The following PSMF1 variants were observed in gnomAD, a reference collection of about 807,000 sequenced individuals.
PSMF1 encodes the protein proteasome inhibitor subunit 1.
A neutral mutation model predicts 29.3 loss-of-function variants in PSMF1; 30 were observed. The observed-to-expected ratio is 1.02, with a 90% CI of 0.77 to 1.39. PSMF1 has a LOEUF of 1.39. Among genes scored for constraint, PSMF1 ranks in the 40% most tolerant of loss-of-function variants. The probability of loss-of-function intolerance (pLI) is 0.00; values close to 1 mark genes in which losing one functional copy is unlikely to be tolerated. For synonymous variants in PSMF1, 134 were observed against 139.7 expected (o/e 0.96, Z 0.29); for missense variants, 344 against 357.5 (o/e 0.96, Z 0.31).
intron 3 of PSMF1, among the ~76,000 whole-genome samples, chr20:1,133,569 A>ATATATATATATATATAT: frequency 3.9e-4 from 21 of 53,288 alleles, no homozygotes; most frequent in African/African-American, 7.3e-4. Context: ...ATATATATAT[A>ATATATATATATATATAT]TTTTTTTTTT....
Position 1,118,646 on chromosome 20 carries a change from T to C in PSMF1, c.-128T>C, listed in dbSNP as rs2086038503. On this transcript the variant is annotated 5_prime_UTR_variant, in exon 1 of 7. Transcript: ENST00000335877. ...GTCCCCGGGCGTCTCCATTTTGGTC[T>C]CAGGTGTGGACTCGGCAAGAACCAG... 2 of 1,205,602 alleles carry C rather than the reference T, an allele frequency of 1.7e-6. No homozygotes were observed. The highest frequency in any genetic ancestry group is 2.2e-6 in the Non-Finnish European group (2 of 894,030). 74.7% of individuals were successfully genotyped at this position (1,205,602 alleles called of 1,614,324 possible).
chr20:1,171,262 C>T lies in PSMF1; in HGVS notation c.*6182C>T, dbSNP rs558179652. On this transcript the variant is annotated 3_prime_UTR_variant, in exon 7 of 7. Transcript: ENST00000335877. ...GGTTAGGAGGAGCATCTGAAACCAC[C>T]TGCACAACCTCCATTCCACAGAGGA... is the stretch of plus-strand genomic sequence containing the variant. 8.5e-5 allele frequency among the ~76,000 whole-genome samples: 13 copies of T among 152,306 alleles called. No individual in the cohort carries two copies. The South Asian group carries it at 2.7e-3, about 32-fold the overall frequency.
intron 4 of PSMF1, chr20:1,160,568 T>C (rs1362924733): frequency 6.5e-6 from 3 of 464,346 alleles, no homozygotes; most frequent in Non-Finnish European, 1.3e-5. Flanking sequence ...GCCGCCCAGC[T>C]CCTCCACCGA....
chr20:1,154,372 C>T (rs1424217378), intron 4 of PSMF1, among the ~76,000 whole-genome samples: 1 of 152,174 alleles, frequency 6.6e-6, no homozygotes, highest in African/African-American at 2.4e-5. Context: ...GTCCCTGGTT[C>T]AGCTTTGATC....
In PSMF1 at chr20:1,170,995, G is replaced by A. The variant is rs1310693860; in HGVS notation, c.*5915G>A. Among the ~76,000 whole-genome samples, 7 of 152,114 alleles carry A rather than the reference G, an allele frequency of 4.6e-5. No homozygotes were observed. Among genetic ancestry groups the A allele is most frequent in the Non-Finnish European group, 8.8e-5 (6 of 68,028 alleles). On this transcript the variant is annotated 3_prime_UTR_variant, in exon 7 of 7. Transcript: ENST00000335877. ...TGGCAGAACCGTGATTGGAACCCAG[G>A]TCAGTGCTCTTTTCAGTAGAACTGC... is the stretch of plus-strand genomic sequence containing the variant.
chr20:1,123,748 A>G (rs1021991633), intron 1 of PSMF1, among the ~76,000 whole-genome samples: 2 of 152,240 alleles, frequency 1.3e-5, no homozygotes, highest in Non-Finnish European at 2.9e-5. Context: ...ATCTAATTGC[A>G]CTAAAAACTG....
intron 4 of PSMF1, among the ~76,000 whole-genome samples, chr20:1,151,072 T>C (rs2086524798): frequency 6.6e-6 from 1 of 152,220 alleles, no homozygotes; most frequent in South Asian, 2.1e-4. Flanking sequence ...TGTGCAACTA[T>C]TCTCTATTCT....
upstream of PSMF1, among the ~76,000 whole-genome samples, chr20:1,113,835 G>A (rs1004888136): frequency 1.1e-4 from 17 of 152,216 alleles, no homozygotes; most frequent in East Asian, 1.9e-3. Flanking sequence ...GGAACTACAG[G>A]TGCCCGCCAC....
At position 1,168,939 on chromosome 20, in the gene PSMF1, C is replaced by T. The variant is rs1028255653; in HGVS notation, c.*3859C>T. ...TGTATAAACCACTATTGACTTTTTG[C>T]ACCAAAGGAGATATTCAAGGACAGA... is the stretch of plus-strand genomic sequence containing the variant. On this transcript the variant is annotated 3_prime_UTR_variant, in exon 7 of 7. Transcript: ENST00000335877. Among the ~76,000 whole-genome samples, 1 of 152,128 alleles carries T rather than the reference C, an allele frequency of 6.6e-6. No individual in the cohort carries two copies. Among genetic ancestry groups the T allele is most frequent in the African/African-American group, 2.4e-5 (1 of 41,412 alleles).
chr20:1,134,918 G>C, intron 3 of PSMF1: 3 of 668,552 alleles, frequency 4.5e-6, no homozygotes, highest in Non-Finnish European at 8.2e-6. Flanking sequence ...TAAGAAGCTT[G>C]GGCCCAAATC....
In PSMF1 at chr20:1,139,402, A is replaced by G. The variant is rs147732686; in HGVS notation, c.551+4096A>G. 5.3e-5 allele frequency among the ~76,000 whole-genome samples: 8 copies of G among 152,338 alleles called. No homozygotes were observed. The East Asian group carries it at 1.5e-3, about 29-fold the overall frequency. On this transcript the variant is annotated intron_variant, in intron 4 of 6. Transcript: ENST00000335877. The stretch of plus-strand genomic sequence containing the variant: ...CTAGCCAGGGCAATCACTCAAGAAA[A>G]ATAAGGGGTATCCAGATTAGAAAGT...
In PSMF1 at chr20:1,118,889, G is replaced by A. The variant is rs140462835; in HGVS notation, c.116G>A (p.Gly39Asp). 1.7e-5 allele frequency: 28 copies of A among 1,613,944 alleles called. No individual in the cohort carries two copies. The highest frequency in any genetic ancestry group is 2.3e-5 in the Non-Finnish European group (27 of 1,179,974). The change falls in exon 1 of 7, where the codon GGT (glycine) becomes GAT (aspartate). Residue 39 changes from glycine (G) to aspartate (D), a missense_variant. Gly to Asp is a moderately conservative substitution (Grantham distance 94). Coordinates refer to ENST00000335877, the MANE Select transcript of PSMF1 (RefSeq NM_006814.5). ...EVVTHGYFGL[G>D]VGDQPGPNDK... ...GTGACACACGGTTACTTCGGCTTGGGTGTCGGTGACCAGGTACGCCACGGA... is the reference window on the plus strand; with the variant it reads ...GTGACACACGGTTACTTCGGCTTGGATGTCGGTGACCAGGTACGCCACGGA...
chr20:1,122,673 T>A (rs1270377189), intron 1 of PSMF1, among the ~76,000 whole-genome samples: 1 of 152,200 alleles, frequency 6.6e-6, no homozygotes, highest in Non-Finnish European at 1.5e-5. Flanking sequence ...CAACTGTGGC[T>A]TTCTGGGACT....
In PSMF1 at chr20:1,135,246, G is replaced by A. The variant is rs759787064; in HGVS notation, c.491G>A (p.Arg164Lys). 18 of 1,614,088 alleles carry A rather than the reference G, an allele frequency of 1.1e-5. 1 individual carries two copies. In the South Asian group the frequency reaches 1.8e-4, roughly 16 times the overall value. The change falls in exon 4 of 7, where the codon AGA becomes AAA. Residue 164 changes from arginine (R) to lysine (K), a missense_variant. Physicochemically the swap from Arg to Lys is conservative, Grantham distance 26. Coordinates refer to ENST00000335877, the MANE Select transcript of PSMF1 (RefSeq NM_006814.5). ...CGGGAGTTCCCCCCTGCTACCGCCA[G>A]AGAGGTGGACCCACTCCGGATTCCT... ...PHREFPPATAREVDPLRIPPH... is the reference protein window; with the variant it reads ...PHREFPPATAKEVDPLRIPPH...
chr20:1,168,186 G>A lies in PSMF1; in HGVS notation c.*3106G>A, dbSNP rs533551501. Reference sequence around the variant, plus strand: ...ACCTTGGGATGAACATGGCTGGTGAGCTGCAGAGCAGTTGATTTGACTTTT... The same window carrying A: ...ACCTTGGGATGAACATGGCTGGTGAACTGCAGAGCAGTTGATTTGACTTTT... On this transcript the variant is annotated 3_prime_UTR_variant, in exon 7 of 7. Transcript: ENST00000335877. The A allele has an allele frequency of 1.3e-5, 2 of 152,396 alleles. No homozygotes were observed. The highest frequency in any genetic ancestry group is 4.8e-5 in the African/African-American group (2 of 41,582). The allele number at this position is 152,396 out of a possible 1,614,324, so 9.4% of individuals were successfully genotyped here. A position where few individuals can be genotyped will look rare whatever the true frequency, so the allele number is the denominator to read the frequency against.
chr20:1,140,116 A>G (rs1450297678), intron 4 of PSMF1, among the ~76,000 whole-genome samples: 1 of 152,188 alleles, frequency 6.6e-6, no homozygotes, highest in Non-Finnish European at 1.5e-5. Flanking sequence ...CCTAAAATTC[A>G]GGTAGAAATG....
intron 2 of PSMF1, among the ~76,000 whole-genome samples, chr20:1,126,519 G>C (rs2086158911): frequency 6.6e-6 from 1 of 151,848 alleles, no homozygotes; most frequent in East Asian, 1.9e-4. Context: ...TGTCAGATAG[G>C]GTTCTTGGTT....
At chr20:1,135,015 C>A in intron 3 of PSMF1, 106 bp from the exon 4 acceptor site, 4 of 1,134,746 alleles carry the variant, frequency 3.5e-6, no homozygotes, top group Non-Finnish European at 3.9e-6. Context: ...AAGCGCAATG[C>A]CAGGAGCTAT....
At chr20:1,142,596 G>C (rs1334364996) in intron 4 of PSMF1, among the ~76,000 whole-genome samples, 1 of 152,208 alleles carries the variant, frequency 6.6e-6, no homozygotes, top group Non-Finnish European at 1.5e-5. Context: ...CAAAGGACGT[G>C]AACTCATCAT....
Sources: allele counts gnomAD v4.1 joint callset (sites outside exome capture counted in the v4.1 genomes callset), GRCh38; gene constraint gnomAD v4.1.1; transcripts MANE v1.5; gene names NCBI Gene and HGNC (gene_info 2026-07-23, HGNC 2026-07-21).